KSR1: variants seen among roughly 807,000 people sequenced by gnomAD.
The protein encoded by KSR1 is kinase suppressor of ras 1.
KSR1 carries 35 observed loss-of-function variants against 92.9 expected under a neutral mutation model. That is an observed-to-expected ratio of 0.38 (90% CI 0.29 to 0.50). The LOEUF is 0.50. Ranked by LOEUF, KSR1 falls within the 20% of genes least tolerant of loss-of-function variation. KSR1 has a pLI of 0.94. For missense variants in KSR1, 972 were observed against 1,158.5 expected (o/e 0.84, Z 2.34); for synonymous variants, 467 against 472.6 (o/e 0.99, Z 0.15).
chr17:27,515,512 C>T (rs1449458974), intron 1 of KSR1, among the ~76,000 whole-genome samples: 1 of 151,728 alleles, frequency 6.6e-6, no homozygotes, highest in Non-Finnish European at 1.5e-5. Context: ...GGCTGGGAGT[C>T]TCAGTAGGCT....
At chr17:27,564,411 G>T (rs2071974433) in intron 2 of KSR1, among the ~76,000 whole-genome samples, 1 of 152,174 alleles carries the variant, frequency 6.6e-6, no homozygotes, top group African/African-American at 2.4e-5. Flanking sequence ...TTCCTAGTTA[G>T]AACTTTTTTC....
At chr17:27,460,050 G>C (rs543107546) in intron 1 of KSR1, among the ~76,000 whole-genome samples, 1 of 152,116 alleles carries the variant, frequency 6.6e-6, no homozygotes, top group South Asian at 2.1e-4. Flanking sequence ...TTGAAACCAG[G>C]GTATTAATCT....
intron 1 of KSR1, among the ~76,000 whole-genome samples, chr17:27,470,389 C>T (rs562538330): frequency 2.0e-5 from 3 of 151,330 alleles, no homozygotes; most frequent in African/African-American, 7.3e-5. Context: ...TTACACGTGC[C>T]CGCCACCACG....
intron 3 of KSR1, among the ~76,000 whole-genome samples, chr17:27,580,665 C>T (rs1400935493): frequency 6.6e-6 from 1 of 152,180 alleles, no homozygotes; most frequent in African/African-American, 2.4e-5. Context: ...GTCACAGTGA[C>T]CTCCACTGTA....
chr17:27,470,485 C>A (rs2019939879), intron 1 of KSR1, among the ~76,000 whole-genome samples: 1 of 152,054 alleles, frequency 6.6e-6, no homozygotes, highest in African/African-American at 2.4e-5. Flanking sequence ...CGTGATCCAC[C>A]CACCTCGGCC....
intron 2 of KSR1, among the ~76,000 whole-genome samples, chr17:27,575,533 G>A (rs942012215): frequency 1.3e-5 from 2 of 152,160 alleles, no homozygotes; most frequent in South Asian, 2.1e-4. Context: ...TTATCATGGG[G>A]TCTTTGTGAC....
chr17:27,464,028 G>A (rs569086144), intron 1 of KSR1, among the ~76,000 whole-genome samples: 1 of 152,274 alleles, frequency 6.6e-6, no homozygotes, highest in South Asian at 2.1e-4. Flanking sequence ...GTTATTAAAG[G>A]AGCACTGAGT....
chr17:27,619,169 T>C (rs2074147023), intron 19 of KSR1, among the ~76,000 whole-genome samples: 1 of 152,136 alleles, frequency 6.6e-6, no homozygotes, highest in African/African-American at 2.4e-5. Context: ...TGTGTGTCAC[T>C]GAGTGCCTGG....
chr17:27,603,772 GGT>G (rs1160499398), intron 11 of KSR1, 60 bp from the exon 12 acceptor site: 1 of 1,553,972 alleles, frequency 6.4e-7, no homozygotes, highest in African/African-American at 1.4e-5. Flanking sequence ...TTTCAAGCAC[GGT>G]GTCTCTTTGG....
chr17:27,498,163 C>G (rs1260508506), intron 1 of KSR1, among the ~76,000 whole-genome samples: 3 of 151,950 alleles, frequency 2.0e-5, no homozygotes, highest in Non-Finnish European at 4.4e-5. Flanking sequence ...AACCCCGTCT[C>G]TACTGAAAAT....
rs538176733 is a variant in KSR1, at chr17:27,557,841, A to C, written c.372+7133A>C. 2.3e-4 allele frequency among the ~76,000 whole-genome samples: 35 copies of C among 152,136 alleles called. No homozygotes were observed. The South Asian group carries it at 5.6e-3, about 24-fold the overall frequency. On this transcript the variant is annotated intron_variant, in intron 2 of 20. Coordinates refer to ENST00000644974, the MANE Select transcript of KSR1 (RefSeq NM_001394583.1). ...ATGTGTCTGCCCTCCTGTAAGTTGT[A>C]TACCATGCTCTCTTCGAGGTATTTC...
chr17:27,551,302 T>A (rs2071388355), intron 2 of KSR1, among the ~76,000 whole-genome samples: 1 of 152,146 alleles, frequency 6.6e-6, no homozygotes, highest in African/African-American at 2.4e-5. Context: ...ACCAGCATAC[T>A]CGGAGTGTGT....
At chr17:27,566,707 G>A (rs990157733) in intron 2 of KSR1, 1 of 396,920 alleles carries the variant, frequency 2.5e-6, no homozygotes. Context: ...TGGGGCAGAA[G>A]GTGCTTGTTT....
intron 1 of KSR1, chr17:27,471,963 C>T (rs976048737): frequency 2.0e-5 from 3 of 152,178 alleles, no homozygotes; most frequent in African/African-American, 7.2e-5. Flanking sequence ...AACTGAAACT[C>T]AGTTCTCTGA....
chr17:27,481,307 G>A (rs535245171), intron 1 of KSR1, among the ~76,000 whole-genome samples: 51 of 152,240 alleles, frequency 3.3e-4, no homozygotes, highest in African/African-American at 1.2e-3. Flanking sequence ...GTGACCCAGC[G>A]TCCTGAGCCC....
chr17:27,558,268 C>CTTTTTTTT (rs35172937), intron 2 of KSR1: 1 of 142,054 alleles, frequency 7.0e-6, no homozygotes. Context: ...CCTTCTCTCT[C>CTTTTTTTT]TTTTTTTTTT....
At chr17:27,469,471 G>A (rs73983437) in intron 1 of KSR1, among the ~76,000 whole-genome samples, 5,447 of 152,190 alleles carry the variant, frequency 0.036, 297 homozygotes, top group African/African-American at 0.12. Context: ...CATTGAGGGC[G>A]CCAGGATGTG....
intron 4 of KSR1, among the ~76,000 whole-genome samples, chr17:27,584,999 C>T (rs2151175135): frequency 6.6e-6 from 1 of 152,306 alleles, no homozygotes; most frequent in South Asian, 2.1e-4. Flanking sequence ...TGCAGTGGCG[C>T]AATCTCGGCT....
At chr17:27,573,957 A>T (rs1214169739) in intron 2 of KSR1, among the ~76,000 whole-genome samples, 1 of 152,224 alleles carries the variant, frequency 6.6e-6, no homozygotes, top group Non-Finnish European at 1.5e-5. Flanking sequence ...ATAAAAAGAA[A>T]GAAAAAGAAT....
Sources: gnomAD v4.1 joint callset for allele counts (sites outside exome capture counted in the v4.1 genomes callset) on GRCh38, gnomAD v4.1.1 for gene constraint, MANE v1.5 for transcripts, NCBI Gene and HGNC (gene_info 2026-07-23, HGNC 2026-07-21) for gene names.